The following LAPTM4A variants were observed in gnomAD, a reference collection of about 807,000 sequenced individuals.
LAPTM4A encodes lysosomal protein transmembrane 4 alpha.
LAPTM4A carries 19 observed loss-of-function variants against 29.9 expected under a neutral mutation model. The ratio of observed to expected loss-of-function variants is 0.64; its 90% CI spans 0.44 to 0.93. The LOEUF is 0.93. LAPTM4A is among the 40% of genes least tolerant of loss of function. The probability of loss-of-function intolerance (pLI) is 0.00; values close to 1 mark genes in which losing one functional copy is unlikely to be tolerated. For synonymous variants in LAPTM4A, 105 were observed against 102.1 expected, an observed-to-expected ratio of 1.03 and a Z score of -0.17; for missense variants, 293 against 288.5, an observed-to-expected ratio of 1.02 and a Z score of -0.11.
rs1372064356 is a variant in LAPTM4A, at chr2:20,033,088, A to T, written c.*117T>A. The T allele has an allele frequency of 3.5e-6, 3 of 849,450 alleles. No individual in the cohort carries two copies. The highest frequency in any genetic ancestry group is 5.8e-6 in the Non-Finnish European group (3 of 517,132). The allele number at this position is 849,450 out of a possible 1,614,324, so 52.6% of individuals were successfully genotyped here. ...CCTTAGTGTTTGAAAATAAATGCTT[A>T]AACAAAAGACAACATATTTTATATC... On this transcript the variant is annotated 3_prime_UTR_variant, in exon 7 of 7. Transcript: ENST00000175091.
chr2:20,036,312 T>C (rs901133891), intron 4 of LAPTM4A, among the ~76,000 whole-genome samples: 3 of 152,368 alleles, frequency 2.0e-5, no homozygotes, highest in African/African-American at 7.2e-5. Flanking sequence ...CTCTTTTATC[T>C]GGAACATTGT....
Position 20,033,054 on chromosome 2 carries a change from C to CA in LAPTM4A, c.*150dup. 1.5e-6 allele frequency: 1 copy of CA among 657,152 alleles called. No homozygotes were observed. The highest frequency in any genetic ancestry group is 2.7e-6 in the Non-Finnish European group (1 of 371,014). 40.7% of individuals were successfully genotyped at this position (657,152 alleles called of 1,614,324 possible). ...AAACAAAAAGACGTTTAACAGATGT[C>CA]AAAAAGCTCCTTAGTGTTTGAAAAT... On this transcript the variant is annotated 3_prime_UTR_variant, in exon 7 of 7. Transcript: ENST00000175091.
intron 1 of LAPTM4A, among the ~76,000 whole-genome samples, chr2:20,041,985 C>A (rs1002920223): frequency 6.6e-6 from 1 of 152,196 alleles, no homozygotes; most frequent in African/African-American, 2.4e-5. Flanking sequence ...TACCTATTTC[C>A]CTTTTGTCTT....
At chr2:20,034,153 G>A (rs1208442843) in intron 6 of LAPTM4A, among the ~76,000 whole-genome samples, 164 bp downstream of exon 6, 1 of 152,102 alleles carries the variant, frequency 6.6e-6, no homozygotes, top group Non-Finnish European at 1.5e-5. Context: ...GATTCCAAGT[G>A]GAAAATGTTG....
chr2:20,038,934 T>A (rs1257750089), intron 2 of LAPTM4A, among the ~76,000 whole-genome samples: 1 of 151,976 alleles, frequency 6.6e-6, no homozygotes, highest in Non-Finnish European at 1.5e-5. Flanking sequence ...TTTTTTTTTT[T>A]CTTTGAGACA....
At chr2:20,034,268 ACAGT>A in intron 6 of LAPTM4A, 45 bp downstream of exon 6, 1 of 1,218,786 alleles carries the variant, frequency 8.2e-7, no homozygotes, top group Non-Finnish European at 1.2e-6. Flanking sequence ...TTCTCCTGGA[ACAGT>A]CAATAGTGAC....
At chr2:20,043,939 T>C (rs188601987) in intron 1 of LAPTM4A, among the ~76,000 whole-genome samples, 1 of 152,356 alleles carries the variant, frequency 6.6e-6, no homozygotes. Context: ...ACGTGATTAT[T>C]AATAAACATT....
chr2:20,039,420 C>T (rs1323640859), intron 2 of LAPTM4A, among the ~76,000 whole-genome samples: 1 of 152,242 alleles, frequency 6.6e-6, no homozygotes, highest in Non-Finnish European at 1.5e-5. Context: ...TATTATCAAA[C>T]TTGAAAGCAA....
At chr2:20,050,903 C>G (rs1674047548) in intron 1 of LAPTM4A, among the ~76,000 whole-genome samples, 1 of 152,214 alleles carries the variant, frequency 6.6e-6, no homozygotes, top group Non-Finnish European at 1.5e-5. Context: ...CCAAGAAACG[C>G]GGACAACCGG....
chr2:20,051,299 CCCCT>C (rs1674063763), intron 1 of LAPTM4A, 107 bp downstream of exon 1: 2 of 731,070 alleles, frequency 2.7e-6, no homozygotes, highest in Admixed American at 2.1e-5. Context: ...AAAAGCAGCG[CCCCT>C]CCAAGTCCCC....
At position 20,047,696 on chromosome 2, in the gene LAPTM4A, CA is replaced by C. The variant is rs61601787; in HGVS notation, c.111+3713del. On this transcript the variant is annotated intron_variant, in intron 1 of 6. Coordinates refer to ENST00000175091, the MANE Select transcript of LAPTM4A (RefSeq NM_014713.5). ...TGGGCGACAGAGCGAGACTCCGTCT[CA>C]AAAAAAAAAAAAAAGGAAAGTTTTA... is the stretch of plus-strand genomic sequence containing the variant. Among the ~76,000 whole-genome samples the C allele has an allele frequency of 6.5e-3, 496 of 76,650 alleles. 10 individuals carry two copies. The highest frequency in any genetic ancestry group is 0.027 in the Middle Eastern group (3 of 112). The allele number at this position is 76,650 out of a possible 152,430, so 50.3% of individuals were successfully genotyped here.
At position 20,037,578 on chromosome 2, in the gene LAPTM4A, A is replaced by AT. The variant is rs1673705090; in HGVS notation, c.268dup (p.Met90AsnfsTer30). On this transcript the variant is annotated frameshift_variant, in exon 3 of 7. Coordinates refer to ENST00000175091, the MANE Select transcript of LAPTM4A (RefSeq NM_014713.5). LOFTEE classifies it high-confidence loss of function. The stretch of plus-strand genomic sequence containing the variant: ...AACCAGCATTGAACTGATTATAAAC[A>AT]TAAGAACAGAGACGGCAAAAAGAAC... The AT allele has an allele frequency of 6.2e-7, 1 of 1,609,732 alleles. No homozygotes were observed. Among genetic ancestry groups the AT allele is most frequent in the Non-Finnish European group, 8.5e-7 (1 of 1,178,336 alleles).
chr2:20,035,108 G>C, intron 4 of LAPTM4A, 46 bp from the exon 5 acceptor site: 2 of 1,295,236 alleles, frequency 1.5e-6, no homozygotes, highest in Non-Finnish European at 2.2e-6. Context: ...CATCGCACTA[G>C]CACTTGCTGA....
chr2:20,041,750 G>T (rs748234838), intron 1 of LAPTM4A, among the ~76,000 whole-genome samples: 1 of 152,146 alleles, frequency 6.6e-6, no homozygotes, highest in South Asian at 2.1e-4. Flanking sequence ...GGCCAGGCTG[G>T]TCTCTAATTC....
chr2:20,035,254 C>T (rs1337321979), intron 4 of LAPTM4A, 192 bp from the exon 5 acceptor site: 2 of 553,868 alleles, frequency 3.6e-6, no homozygotes, highest in Non-Finnish European at 3.3e-6. Context: ...CTAACAATCA[C>T]TTAGAGTACA....
intron 2 of LAPTM4A, among the ~76,000 whole-genome samples, chr2:20,040,342 C>T (rs1480012889): frequency 1.3e-5 from 2 of 152,210 alleles, no homozygotes; most frequent in Admixed American, 1.3e-4. Flanking sequence ...CTATTGTAAT[C>T]CTCACTGAAT....
chr2:20,033,842 C>T (rs921226387), intron 6 of LAPTM4A, among the ~76,000 whole-genome samples: 1 of 152,156 alleles, frequency 6.6e-6, no homozygotes, highest in Non-Finnish European at 1.5e-5. Flanking sequence ...ATGCTGAAAA[C>T]CTGGGAAGGT....
chr2:20,046,668 T>C (rs1165814609), intron 1 of LAPTM4A, among the ~76,000 whole-genome samples: 4 of 148,238 alleles, frequency 2.7e-5, no homozygotes, highest in Admixed American at 1.4e-4. Context: ...AATATATATA[T>C]GTATGTATGT....
chr2:20,045,553 GCT>G (rs1673899834), intron 1 of LAPTM4A, among the ~76,000 whole-genome samples: 1 of 152,118 alleles, frequency 6.6e-6, no homozygotes, highest in Non-Finnish European at 1.5e-5. Context: ...AGCAGCATGG[GCT>G]GCGGATTCAC....
Sources: allele counts gnomAD v4.1 joint callset (sites outside exome capture counted in the v4.1 genomes callset), GRCh38; gene constraint gnomAD v4.1.1; transcripts MANE v1.5; gene names NCBI Gene and HGNC (gene_info 2026-07-23, HGNC 2026-07-21).